The following SLC25A35 variants were observed in gnomAD, a reference collection of about 807,000 sequenced individuals.
SLC25A35 encodes the protein solute carrier family 25, member 35.
A neutral mutation model predicts 30.5 loss-of-function variants in SLC25A35; 32 were observed. The observed-to-expected ratio is 1.05, with a 90% confidence interval of 0.79 to 1.41. The LOEUF (loss-of-function observed/expected upper bound fraction) is 1.41, where lower values mean the gene tolerates loss of function less well. Among genes scored for constraint, SLC25A35 ranks in the 40% most tolerant of loss-of-function variants. The pLI, the probability that SLC25A35 is intolerant of heterozygous loss-of-function variation, is 0.00. For missense variants in SLC25A35, 369 were observed against 388.0 expected, an observed-to-expected ratio of 0.95 and a Z score of 0.41; for synonymous variants, 142 against 158.1, an observed-to-expected ratio of 0.90 and a Z score of 0.77.
chr17:8,289,681 C>A (rs755299799), downstream of SLC25A35: 14 of 1,606,944 alleles, frequency 8.7e-6, no homozygotes, highest in Non-Finnish European at 1.2e-5. Flanking sequence ...CTGGTGGGAT[C>A]CTCCAAGGAA....
downstream of SLC25A35, chr17:8,288,758 T>C: frequency 6.2e-7 from 1 of 1,612,660 alleles, no homozygotes; most frequent in Non-Finnish European, 8.5e-7. Context: ...CTTTTAAACC[T>C]TTCTAATGCC....
chr17:8,290,243 A>G lies in SLC25A35; in HGVS notation c.*262T>C. ...GTGGCAGTGGTGAGTGGGAGGAAAT[A>G]CACTTTGGGATGACTCGTTCAGCCC... On this transcript the variant is annotated 3_prime_UTR_variant, in exon 5 of 5. Transcript: ENST00000577745. The G allele has an allele frequency of 7.0e-7, 1 of 1,424,724 alleles. No individual in the cohort carries two copies. The highest frequency in any genetic ancestry group is 2.9e-5 in the Admixed American group (1 of 34,478). The allele number at this position is 1,424,724 out of a possible 1,614,324, so 88.3% of individuals were successfully genotyped here.
chr17:8,292,181 CAACAA>C (rs1187247868), intron 2 of SLC25A35, among the ~76,000 whole-genome samples: 2 of 151,230 alleles, frequency 1.3e-5, no homozygotes, highest in African/African-American at 2.4e-5. Context: ...GACTCTGTCT[CAACAA>C]AACAAAACAA....
In SLC25A35 at chr17:8,295,344, G is replaced by A; in HGVS notation, c.-537C>T. 1.0e-6 allele frequency: 1 copy of A among 985,746 alleles called. No individual in the cohort carries two copies. Among genetic ancestry groups the A allele is most frequent in the South Asian group, 4.7e-5 (1 of 21,328 alleles). 61.1% of individuals were successfully genotyped at this position (985,746 alleles called of 1,614,324 possible). A position where few individuals can be genotyped will look rare whatever the true frequency, so the allele number is the denominator to read the frequency against. On this transcript the variant is annotated 5_prime_UTR_variant, in exon 1 of 5. Transcript: ENST00000577745. ...CGTCCCCAGGCAGCCACCGGAGCTC[G>A]CAGTAGCTTCAACCCCGGGTAGCCT...
chr17:8,288,734 C>T, downstream of SLC25A35: 6 of 1,589,310 alleles, frequency 3.8e-6, no homozygotes, highest in Non-Finnish European at 5.2e-6. Flanking sequence ...TGCCACGTGA[C>T]CCAATGTGGA....
chr17:8,289,489 TC>T, downstream of SLC25A35: 1 of 1,614,158 alleles, frequency 6.2e-7, no homozygotes, highest in African/African-American at 1.3e-5. Flanking sequence ...GCATCCTGAC[TC>T]TGATCCCCTT....
rs757410414 is a variant in SLC25A35, at chr17:8,294,844, A to T, written c.-37T>A. 1.3e-6 allele frequency: 2 copies of T among 1,526,670 alleles called. No homozygotes were observed. Among genetic ancestry groups the T allele is most frequent in the Non-Finnish European group, 1.8e-6 (2 of 1,137,564 alleles). 94.6% of individuals were successfully genotyped at this position (1,526,670 alleles called of 1,614,324 possible). ...TGTAGCAGGAACTGACCCAAGAGTA[A>T]GAAAGTAAAAATGGGTGTCAGAAAG... On this transcript the variant is annotated 5_prime_UTR_variant, in exon 1 of 5. Coordinates refer to ENST00000577745, the MANE Select transcript of SLC25A35 (RefSeq NM_001320870.2).
chr17:8,289,232 T>A (rs1017300154), downstream of SLC25A35: 7 of 1,612,292 alleles, frequency 4.3e-6, no homozygotes, highest in African/African-American at 4.0e-5. Flanking sequence ...GAGATGTCCC[T>A]TCCTGACCCC....
downstream of SLC25A35, chr17:8,290,029 C>G: frequency 6.2e-7 from 1 of 1,602,592 alleles, no homozygotes; most frequent in Non-Finnish European, 8.5e-7. Flanking sequence ...CCTCTTATTT[C>G]TTCCCTGTGC....
downstream of SLC25A35, chr17:8,288,851 G>T (rs1251245737): frequency 6.2e-7 from 1 of 1,614,106 alleles, no homozygotes; most frequent in East Asian, 2.2e-5. Flanking sequence ...TCCCCATGGG[G>T]GCCATTGACG....
At chr17:8,289,459 G>T, downstream of SLC25A35, 1 of 1,614,096 alleles carries the variant, frequency 6.2e-7, no homozygotes, top group African/African-American at 1.3e-5. Flanking sequence ...GCGGTAGCGG[G>T]GACGCAGAGA....
rs1377322393 is a variant in SLC25A35, at chr17:8,290,177, A to T, written c.*328T>A. ...CTCGATTCCCTTTGGTTTTGGAGGG[A>T]GGAGTTTAAAACTGTGCATGGGAGC... On this transcript the variant is annotated 3_prime_UTR_variant, in exon 5 of 5. Coordinates refer to ENST00000577745, the MANE Select transcript of SLC25A35 (RefSeq NM_001320870.2). The T allele has an allele frequency of 7.0e-7, 1 of 1,433,304 alleles. No individual in the cohort carries two copies. The highest frequency in any genetic ancestry group is 9.1e-7 in the Non-Finnish European group (1 of 1,099,134). The allele number at this position is 1,433,304 out of a possible 1,614,324, so 88.8% of individuals were successfully genotyped here.
chr17:8,288,795 C>A (rs771107391), downstream of SLC25A35: 9 of 1,613,988 alleles, frequency 5.6e-6, no homozygotes, highest in Admixed American at 1.7e-5. Context: ...ACCCATGGAG[C>A]CCACGAGAGA....
At chr17:8,293,118 C>T (rs916227867) in intron 1 of SLC25A35, among the ~76,000 whole-genome samples, 2 of 152,194 alleles carry the variant, frequency 1.3e-5, no homozygotes, top group Non-Finnish European at 2.9e-5. Flanking sequence ...ACTACTTCCC[C>T]GTCTCTTTTG....
chr17:8,289,983 T>C (rs1429517243), downstream of SLC25A35: 1 of 1,612,362 alleles, frequency 6.2e-7, no homozygotes, highest in East Asian at 2.2e-5. Context: ...GGGGACTCGG[T>C]TCTGTGAGGG....
downstream of SLC25A35, chr17:8,288,413 C>G (rs532275529): frequency 2.6e-5 from 9 of 346,288 alleles, no homozygotes; most frequent in South Asian, 1.3e-4. Flanking sequence ...TGCATTACAG[C>G]CTGGGCGACA....
At chr17:8,291,650 T>C (rs1353826703) in intron 2 of SLC25A35, among the ~76,000 whole-genome samples, 165 bp from the exon 3 acceptor site, 2 of 152,164 alleles carry the variant, frequency 1.3e-5, no homozygotes, top group African/African-American at 4.8e-5. Flanking sequence ...AGCCACCCCA[T>C]TGTTCCTTCC....
downstream of SLC25A35, chr17:8,289,659 C>T: frequency 1.9e-6 from 3 of 1,606,022 alleles, no homozygotes; most frequent in Non-Finnish European, 2.6e-6. Context: ...AGGGACAGAA[C>T]AGGGAGACTC....
chr17:8,289,187 C>T (rs1990280499), downstream of SLC25A35: 4 of 1,602,804 alleles, frequency 2.5e-6, no homozygotes, highest in Non-Finnish European at 8.5e-7. Context: ...GGGAGCCAGG[C>T]CTGCAACTTA....
Sources: allele counts gnomAD v4.1 joint callset (sites outside exome capture counted in the v4.1 genomes callset), GRCh38; gene constraint gnomAD v4.1.1; transcripts MANE v1.5; gene names NCBI Gene and HGNC (gene_info 2026-07-23, HGNC 2026-07-21).